Variants in HSH2D observed in about 807,000 individuals in gnomAD.
The protein encoded by HSH2D is hematopoietic SH2 domain containing, also known as hematopoietic SH2 domain-containing protein.
A neutral mutation model predicts 21.5 loss-of-function variants in HSH2D; 16 were observed. That is an observed-to-expected ratio of 0.74 (90% confidence interval 0.50 to 1.13). The LOEUF is 1.13. Ranked by LOEUF, HSH2D falls within the 50% of genes most tolerant of loss-of-function variation. The pLI is 0.00. For missense variants in HSH2D, 418 were observed against 441.4 expected, an observed-to-expected ratio of 0.95 and a Z score of 0.47; for synonymous variants, 172 against 184.7, an observed-to-expected ratio of 0.93 and a Z score of 0.56.
upstream of HSH2D, chr19:16,139,723 T>C (rs950901676): frequency 2.6e-5 from 4 of 152,298 alleles, no homozygotes; most frequent in African/African-American, 9.6e-5. Flanking sequence ...AATCTGTGAA[T>C]GGCCCACTTA....
rs146762769 is a variant in HSH2D at position 16,154,320 on chromosome 19, C to G, written c.382-79C>G. The G allele has an allele frequency of 1.0e-3, 954 of 937,222 alleles. 8 individuals are homozygous for G. The African/African-American group carries it at 0.013, about 13-fold the overall frequency. 58.1% of individuals were successfully genotyped at this position (937,222 alleles called of 1,614,324 possible). On this transcript the variant is annotated intron_variant, in intron 4 of 5. Transcript: ENST00000613986. The stretch of plus-strand genomic sequence containing the variant: ...GAAACTGCTATTCAAGGGATGGTCC[C>G]TGAGACCTGCCTTCCAGGGTCCGTG...
At position 16,153,079 on chromosome 19, in the gene HSH2D, C is replaced by A; in HGVS notation, c.252C>A (p.Leu84=). 6.2e-7 allele frequency: 1 copy of A among 1,611,246 alleles called. No individual in the cohort carries two copies. The highest frequency in any genetic ancestry group is 1.1e-5 in the South Asian group (1 of 90,414). ...GCTGCTGCCATTTCATGGTGAAGCT[C>A]TTGGATGATGGGACTTTCATGATCC... The part of the protein sequence containing the change: ...QSSCCHFMVK[L]LDDGTFMIPG... The change falls in exon 4 of 6, where the codon CTC becomes CTA. Residue 84 remains leucine (L), a synonymous_variant. Transcript: ENST00000613986.
chr19:16,152,675 G>T, intron 3 of HSH2D, 34 bp downstream of exon 3: 2 of 1,509,208 alleles, frequency 1.3e-6, no homozygotes, highest in Non-Finnish European at 1.8e-6. Flanking sequence ...GGCAGGGGCA[G>T]GTGGGCTCTT....
At position 16,157,680 on chromosome 19, in the gene HSH2D, A is replaced by T. The variant is rs761570899; in HGVS notation, c.945A>T (p.Arg315Ser). The change falls in exon 6 of 6, where the codon AGA (arginine) becomes AGT (serine). Residue 315 changes from arginine (R) to serine (S), a missense_variant. Arg to Ser is a moderately radical substitution (Grantham distance 110, BLOSUM62 -1). Coordinates refer to ENST00000613986, the MANE Select transcript of HSH2D (RefSeq NM_001382417.1). This position sits in a 1 kb window ranked among gnomAD's most constrained non-coding sequence, Gnocchi z 4.4. ...GDRSWHQMVV[R>S]ALSSQESKPE... is the part of the protein sequence containing the mutation. Reference sequence around the variant, plus strand: ...GGAGTTGGCACCAAATGGTAGTGAGAGCCCTATCCTCCCAGGAGTCCAAGC... The same window carrying T: ...GGAGTTGGCACCAAATGGTAGTGAGTGCCCTATCCTCCCAGGAGTCCAAGC... 6.2e-7 allele frequency: 1 copy of T among 1,613,348 alleles called. No homozygotes were observed. The highest frequency in any genetic ancestry group is 8.5e-7 in the Non-Finnish European group (1 of 1,179,658).
chr19:16,152,350 G>C (rs1029106648), intron 2 of HSH2D, among the ~76,000 whole-genome samples: 2 of 150,664 alleles, frequency 1.3e-5, no homozygotes, highest in African/African-American at 4.9e-5. Flanking sequence ...TCCGGGAGGC[G>C]GAGCTTGCAG....
At chr19:16,146,060 A>G (rs1391129855) in intron 1 of HSH2D, among the ~76,000 whole-genome samples, 3 of 146,230 alleles carry the variant, frequency 2.1e-5, no homozygotes, top group Non-Finnish European at 4.5e-5. Flanking sequence ...TGGGCAACAG[A>G]GCGAGATTCC....
At chr19:16,138,553 G>C (rs2090979108) in intron 1 of HSH2D, among the ~76,000 whole-genome samples, 1 of 151,314 alleles carries the variant, frequency 6.6e-6, no homozygotes, top group South Asian at 2.1e-4. Context: ...CGCCTCCCGG[G>C]TTCAAGCGAT....
At chr19:16,134,532 A>G (rs1027142721) in intron 1 of HSH2D, among the ~76,000 whole-genome samples, 1 of 152,206 alleles carries the variant, frequency 6.6e-6, no homozygotes, top group Admixed American at 6.6e-5. Flanking sequence ...ATGCTTTTAG[A>G]TAGGCCAGTG....
chr19:16,140,560 G>A (rs770155107), upstream of HSH2D, among the ~76,000 whole-genome samples: 3 of 151,878 alleles, frequency 2.0e-5, no homozygotes, highest in Non-Finnish European at 2.9e-5. Context: ...AGCCAAGATC[G>A]CACCACTGTA....
intron 2 of HSH2D, among the ~76,000 whole-genome samples, chr19:16,150,191 C>T (rs1215851839): frequency 1.3e-5 from 2 of 152,178 alleles, no homozygotes; most frequent in African/African-American, 4.8e-5. Flanking sequence ...GGGAGGATCG[C>T]TTGAGCCCAG....
chr19:16,154,099 T>C (rs569818644), intron 4 of HSH2D, among the ~76,000 whole-genome samples: 1 of 144,606 alleles, frequency 6.9e-6, no homozygotes, highest in Non-Finnish European at 1.5e-5. Context: ...GGGCCTGACC[T>C]AGCGCCCAAG....
chr19:16,143,591 T>C (rs2145020636), upstream of HSH2D: 1 of 300,518 alleles, frequency 3.3e-6, no homozygotes, highest in East Asian at 1.2e-4. Flanking sequence ...TTTGTTGGAC[T>C]GCAGACAGGG....
upstream of HSH2D, among the ~76,000 whole-genome samples, chr19:16,139,356 G>T (rs908565616): frequency 8.5e-5 from 13 of 152,338 alleles, no homozygotes; most frequent in African/African-American, 2.6e-4. Flanking sequence ...GGGGTGTGAG[G>T]ATTGCTTGAG....
chr19:16,139,261 T>C (rs921505814), upstream of HSH2D, among the ~76,000 whole-genome samples: 2 of 152,170 alleles, frequency 1.3e-5, no homozygotes, highest in Non-Finnish European at 2.9e-5. Context: ...AATGAAGGCA[T>C]TGTAGGAAGC....
At chr19:16,150,184 A>G (rs1187220678) in intron 2 of HSH2D, among the ~76,000 whole-genome samples, 1 of 152,152 alleles carries the variant, frequency 6.6e-6, no homozygotes, top group African/African-American at 2.4e-5. Context: ...CTGAGGCGGG[A>G]GGATCGCTTG....
intron 5 of HSH2D, among the ~76,000 whole-genome samples, chr19:16,155,300 A>C (rs2091223123): frequency 1.3e-5 from 2 of 152,094 alleles, no homozygotes; most frequent in South Asian, 4.1e-4. Flanking sequence ...CAGTCAGGGA[A>C]GGCTTCCTAG....
In HSH2D at chr19:16,144,686, CTTTTTTTT is replaced by C. The variant is rs35070155; in HGVS notation, c.-28+929_-28+936del. 1.9e-3 allele frequency among the ~76,000 whole-genome samples: 165 copies of C among 85,936 alleles called. 1 individual carries two copies. The highest frequency in any genetic ancestry group is 5.5e-3 in the Admixed American group (36 of 6,504). The allele number at this position is 85,936 out of a possible 152,430, so 56.4% of individuals were successfully genotyped here. A position where few individuals can be genotyped will look rare whatever the true frequency, so the allele number is the denominator to read the frequency against. On this transcript the variant is annotated intron_variant, in intron 1 of 5. Transcript: ENST00000613986. ...GGCCATCTGGGTCGAATTCTAGGCT[CTTTTTTTT>C]TTTTTTTTTTTTTTTTGAGACGGAG...
At chr19:16,142,798 A>G (rs150140887), upstream of HSH2D, among the ~76,000 whole-genome samples, 6 of 149,954 alleles carry the variant, frequency 4.0e-5, no homozygotes, top group African/African-American at 1.5e-4. Flanking sequence ...CGGGGGACAG[A>G]ATTTCCCTCT....
chr19:16,143,771 C>T lies in HSH2D; in HGVS notation c.-31C>T, dbSNP rs2091025515. The stretch of plus-strand genomic sequence containing the variant: ...AGGGCCTCGGCCATCCAAGGGTCTC[C>T]CAGGTATGTGACCCAAGAGCCTCAG... On this transcript the variant is annotated 5_prime_UTR_variant, in exon 1 of 6. Coordinates refer to ENST00000613986, the MANE Select transcript of HSH2D (RefSeq NM_001382417.1). The T allele has an allele frequency of 4.4e-6, 2 of 451,184 alleles. No individual in the cohort carries two copies. The highest frequency in any genetic ancestry group is 8.9e-6 in the Non-Finnish European group (2 of 223,908). 27.9% of individuals were successfully genotyped at this position (451,184 alleles called of 1,614,324 possible).
Sources: allele counts gnomAD v4.1 joint callset (sites outside exome capture counted in the v4.1 genomes callset), GRCh38; gene constraint gnomAD v4.1.1; non-coding constraint Gnocchi (gnomAD v3.1); transcripts MANE v1.5; gene names NCBI Gene and HGNC (gene_info 2026-07-23, HGNC 2026-07-21).